The following PRPF8 variants were observed in gnomAD, a reference collection of about 807,000 sequenced individuals.
The protein encoded by PRPF8 is pre-mRNA-processing-splicing factor 8.
PRPF8 carries 64 observed loss-of-function variants against 285.9 expected under a neutral mutation model. That is an observed-to-expected ratio of 0.22 (90% CI 0.18 to 0.28). The LOEUF (loss-of-function observed/expected upper bound fraction) is 0.28. Ranked by LOEUF, PRPF8 falls within the 10% of genes least tolerant of loss-of-function variation. PRPF8 has a pLI of 1.00. For synonymous variants in PRPF8, 1,325 were observed against 1,118.2 expected (o/e 1.18, Z -3.69); for missense variants, 1,426 against 3,026.7 (o/e 0.47, Z 12.41).
Position 1,680,996 on chromosome 17 carries a change from G to C in PRPF8, c.925C>G (p.Arg309Gly). The change falls in exon 7 of 43, where the codon CGC (arginine) becomes GGC (glycine). Residue 309 changes from arginine to glycine, a missense_variant. By Grantham distance (125) the Arg-to-Gly change is moderately radical. This residue lies in a region of PRPF8 where 157 missense variants were observed against 159.6 expected (regional missense o/e 0.98). Transcript: ENST00000304992. ...INKIIIRQPI[R>G]TEYKIAFPYL... ...GGAAAAGCAATCTTGTACTCAGTGC[G>C]GATAGGCTGCCGGATGATAATCTTG... The C allele has an allele frequency of 6.2e-7, 1 of 1,613,056 alleles. No individual in the cohort carries two copies. The highest frequency in any genetic ancestry group is 8.5e-7 in the Non-Finnish European group (1 of 1,179,092).
chr17:1,658,797 C>G lies in PRPF8; in HGVS notation c.5139-34G>C, dbSNP rs200344991. On this transcript the variant is annotated intron_variant, in intron 32 of 42. Transcript: ENST00000304992. This position sits in a 1 kb window ranked among gnomAD's most constrained non-coding sequence, Gnocchi z 4.1. ...ATAAAAGGGTCAAGAAAAGTTAAGA[C>G]GAGAATGACAGCCCCAGAAACAAGA... 1.9e-6 allele frequency: 3 copies of G among 1,584,826 alleles called. No individual in the cohort carries two copies. The highest frequency in any genetic ancestry group is 2.6e-6 in the Non-Finnish European group (3 of 1,153,376).
In PRPF8 at chr17:1,673,674, A is replaced by G; in HGVS notation, c.3446+72T>C. 2 of 1,612,094 alleles carry G rather than the reference A, an allele frequency of 1.2e-6. No homozygotes were observed. The highest frequency in any genetic ancestry group is 1.7e-6 in the Non-Finnish European group (2 of 1,179,164). ...GCCACGCCTCTCCCACCCAGGACGC[A>G]GCCTCAGGTATGCCCTCTCTGGGCC... On this transcript the variant is annotated intron_variant, in intron 22 of 42. Transcript: ENST00000304992. This position sits in a 1 kb window ranked among gnomAD's most constrained non-coding sequence, Gnocchi z 5.5.
In PRPF8 at chr17:1,659,804, G is replaced by C; in HGVS notation, c.4946+37C>G. 1 of 1,609,198 alleles carries C rather than the reference G, an allele frequency of 6.2e-7. No individual in the cohort carries two copies. Among genetic ancestry groups the C allele is most frequent in the Non-Finnish European group, 8.5e-7 (1 of 1,175,994 alleles). On this transcript the variant is annotated intron_variant, in intron 31 of 42. Coordinates refer to ENST00000304992, the MANE Select transcript of PRPF8 (RefSeq NM_006445.4). The surrounding 1 kb of genome is among the most constrained non-coding windows in gnomAD (Gnocchi z 5.1). ...GCTAGAAGAACAGGAAAACGAAAGT[G>C]TCCTGGCTGCCTAGGGCTGGGTCCT...
intron 24 of PRPF8, among the ~76,000 whole-genome samples, chr17:1,666,546 C>CAAAAAAA (rs1555552060): frequency 3.5e-5 from 4 of 112,844 alleles, no homozygotes; most frequent in Non-Finnish European, 4.0e-5. Context: ...GACCCCATCT[C>CAAAAAAA]AAAAAAAAAA....
chr17:1,663,233 T>C (rs1911772955), intron 24 of PRPF8, among the ~76,000 whole-genome samples: 1 of 151,288 alleles, frequency 6.6e-6, no homozygotes, highest in Admixed American at 6.6e-5. Context: ...AAGTGAAAAG[T>C]GGAGATAAAG....
At chr17:1,664,229 C>T (rs544975241) in intron 24 of PRPF8, among the ~76,000 whole-genome samples, 24 of 152,120 alleles carry the variant, frequency 1.6e-4, no homozygotes, top group African/African-American at 4.6e-4. Context: ...AATGGGGTTT[C>T]GCTATGTTGC....
chr17:1,680,605 A>C, intron 8 of PRPF8, 121 bp downstream of exon 8: 4 of 896,204 alleles, frequency 4.5e-6, no homozygotes, highest in Non-Finnish European at 5.5e-6. Context: ...CTTATAGCTC[A>C]AGGGGAACAC....
chr17:1,678,690 C>T (rs1329621446), intron 12 of PRPF8, 38 bp from the exon 13 acceptor site: 2 of 1,614,158 alleles, frequency 1.2e-6, no homozygotes, highest in Non-Finnish European at 1.7e-6. Context: ...GGAGCTTAAA[C>T]CAGCTCCACG....
intron 24 of PRPF8, among the ~76,000 whole-genome samples, chr17:1,671,878 A>C (rs56283329): frequency 0.11 from 16,041 of 148,668 alleles, 1,093 homozygotes; most frequent in Non-Finnish European, 0.16. Context: ...AAAAAAAATT[A>C]AAAATTAGCC....
rs755189618 is a variant in PRPF8, at chr17:1,660,713, G to T, written c.4623C>A (p.Thr1541=). The change falls in exon 29 of 43, where the codon ACC becomes ACA. Residue 1541 remains threonine (T), a synonymous_variant. Transcript: ENST00000304992. ...NRRFTLWWSP[T]INRANVYVGF... is the part of the protein sequence containing the mutation. ...TCACACTCACATTGGCTCGATTAATGGTCGGGGACCACCAGAGGGTGAATC... is the reference window on the plus strand; with the variant it reads ...TCACACTCACATTGGCTCGATTAATTGTCGGGGACCACCAGAGGGTGAATC... 2 of 1,614,114 alleles carry T rather than the reference G, an allele frequency of 1.2e-6. No homozygotes were observed. The highest frequency in any genetic ancestry group is 8.5e-7 in the Non-Finnish European group (1 of 1,180,044).
chr17:1,676,895 A>G lies in PRPF8; in HGVS notation c.2181+81T>C, dbSNP rs1401811320. 1 of 1,541,658 alleles carries G rather than the reference A, an allele frequency of 6.5e-7. No individual in the cohort carries two copies. Among genetic ancestry groups the G allele is most frequent in the African/African-American group, 1.4e-5 (1 of 73,582 alleles). On this transcript the variant is annotated intron_variant, in intron 15 of 42. Transcript: ENST00000304992. The surrounding 1 kb of genome is among the most constrained non-coding windows in gnomAD (Gnocchi z 6.3). ...AAAAGAAAAGAGATTGGAGCCAGAT[A>G]GCCCCCTAATGATTCCCGAAGTGGT...
chr17:1,682,996 C>CTTTTTT (rs1555554634), intron 3 of PRPF8: 9 of 173,720 alleles, frequency 5.2e-5, no homozygotes, highest in South Asian at 1.9e-4. Context: ...TCTTATTTTT[C>CTTTTTT]ATTTTTTTTT....
At chr17:1,660,084 T>C (rs1028236607) in intron 30 of PRPF8, 83 bp from the exon 31 acceptor site, 65 of 1,456,358 alleles carry the variant, frequency 4.5e-5, no homozygotes, top group Admixed American at 1.2e-4. Context: ...AATGAGGCAA[T>C]AGGAGTCTCA....
rs111881129 is a variant in PRPF8 at position 1,660,418 on chromosome 17, C to T, written c.4785+14G>A. On this transcript the variant is annotated intron_variant, in intron 30 of 42. Transcript: ENST00000304992. The stretch of plus-strand genomic sequence containing the variant: ...GACTCTCTACAGTACCCTCTCCCCT[C>T]GATTCCAGCCCACCTGACATAAGTC... 41 of 1,613,810 alleles carry T rather than the reference C, an allele frequency of 2.5e-5. No homozygotes were observed. Among genetic ancestry groups the T allele is most frequent in the Non-Finnish European group, 3.3e-5 (39 of 1,180,042 alleles).
In PRPF8 at chr17:1,675,433, A is replaced by T; in HGVS notation, c.2873-94T>A. 6.7e-7 allele frequency: 1 copy of T among 1,492,478 alleles called. No individual in the cohort carries two copies. The highest frequency in any genetic ancestry group is 1.4e-5 in the African/African-American group (1 of 72,326). 92.5% of individuals were successfully genotyped at this position (1,492,478 alleles called of 1,614,324 possible). ...ATCATTACCTTCCATAACCAATCCC[A>T]CTATGATTCCACGTATTCATTTGGA... On this transcript the variant is annotated intron_variant, in intron 19 of 42. Transcript: ENST00000304992. This position sits in a 1 kb window ranked among gnomAD's most constrained non-coding sequence, Gnocchi z 6.0.
Position 1,684,860 on chromosome 17 carries a change from C to T in PRPF8, c.-92G>A, listed in dbSNP as rs1913164482. ...TGCGTCCGCTCCGCGTTCCCAGCGC[C>T]GGGAAGTGCGCAACCCGAGTTCAGC... On this transcript the variant is annotated 5_prime_UTR_variant, in exon 1 of 43. Transcript: ENST00000304992. 9 of 596,252 alleles carry T rather than the reference C, an allele frequency of 1.5e-5. No individual in the cohort carries two copies. In the South Asian group the frequency reaches 1.6e-4, roughly 11 times the overall value. The allele number at this position is 596,252 out of a possible 1,614,324, so 36.9% of individuals were successfully genotyped here.
Position 1,673,480 on chromosome 17 carries a change from G to T in PRPF8, c.3534C>A (p.Tyr1178Ter), listed in dbSNP as rs768418428. 2.5e-6 allele frequency: 4 copies of T among 1,614,042 alleles called. No homozygotes were observed. In the Admixed American group the frequency reaches 6.7e-5, roughly 27 times the overall value. Residue 1178 changes from tyrosine (Y) to a stop codon, truncating the protein, a stop_gained, in exon 23 of 43, where the codon TAC becomes TAA. Coordinates refer to ENST00000304992, the MANE Select transcript of PRPF8 (RefSeq NM_006445.4). LOFTEE classifies it high-confidence loss of function. The surrounding 1 kb of genome is among the most constrained non-coding windows in gnomAD (Gnocchi z 5.5). ...ACAGCAGGTTGGGGTTGTCCTTACT[G>T]TACACAGACACGAAGCTGTTCTCCC... ...VQWENSFVSV[Y>*]SKDNPNLLFN...
chr17:1,673,270 CAA>C lies in PRPF8; in HGVS notation c.3658-75_3658-74del. ...GCAAGAGCCAACTGTGCCCACCACT[CAA>C]GTCTTTCCACCCAACAAGACTCCGG... On this transcript the variant is annotated intron_variant, in intron 23 of 42. Coordinates refer to ENST00000304992, the MANE Select transcript of PRPF8 (RefSeq NM_006445.4). The surrounding 1 kb of genome is among the most constrained non-coding windows in gnomAD (Gnocchi z 5.5). 1 of 1,603,448 alleles carries C rather than the reference CAA, an allele frequency of 6.2e-7. No individual in the cohort carries two copies. The highest frequency in any genetic ancestry group is 1.1e-5 in the South Asian group (1 of 90,866).
At chr17:1,657,482 A>G (rs1454030505) in intron 34 of PRPF8, among the ~76,000 whole-genome samples, 1 of 151,576 alleles carries the variant, frequency 6.6e-6, no homozygotes, top group African/African-American at 2.4e-5. Context: ...CGTCTCTACT[A>G]AAAATACAAA....
Sources: gnomAD v4.1 joint callset for allele counts (sites outside exome capture counted in the v4.1 genomes callset) on GRCh38, gnomAD v4.1.1 for gene constraint, gnomAD v4.1.1 regional missense constraint, Gnocchi (gnomAD v3.1) non-coding constraint, MANE v1.5 for transcripts, NCBI Gene and HGNC (gene_info 2026-07-23, HGNC 2026-07-21) for gene names.